NDUFA10: variants seen among roughly 807,000 people sequenced by gnomAD.
NDUFA10 encodes NADH:ubiquinone oxidoreductase subunit A10, also known as NADH dehydrogenase [ubiquinone] 1 alpha subcomplex subunit 10, mitochondrial.
A neutral mutation model predicts 47.8 loss-of-function variants in NDUFA10; 40 were observed. That is an observed-to-expected ratio of 0.84 (90% confidence interval 0.65 to 1.09). The LOEUF (loss-of-function observed/expected upper bound fraction) is 1.09, where lower values mean the gene tolerates loss of function less well. Among genes scored for constraint, NDUFA10 ranks in the 50% least tolerant of loss-of-function variants. The probability of loss-of-function intolerance (pLI) is 0.00; values close to 1 mark genes in which losing one functional copy is unlikely to be tolerated. For missense variants in NDUFA10, 413 were observed against 451.1 expected, an observed-to-expected ratio of 0.92 and a Z score of 0.76; for synonymous variants, 183 against 172.2, an observed-to-expected ratio of 1.06 and a Z score of -0.49.
At position 239,931,937 on chromosome 2, in the gene NDUFA10, G is replaced by A. The variant is rs568276839; in HGVS notation, c.295-36623C>T. On this transcript the variant is annotated intron_variant, in intron 4 of 5. Transcript: ENST00000419408. Reference sequence around the variant, plus strand: ...TGCAAGCTCCGCCTCCCGGGTTCACGCCATTCTCCTGCCTCAGCCTCCCAA... The same window carrying A: ...TGCAAGCTCCGCCTCCCGGGTTCACACCATTCTCCTGCCTCAGCCTCCCAA... 1.6e-4 allele frequency among the ~76,000 whole-genome samples: 23 copies of A among 141,006 alleles called. No individual in the cohort carries two copies. In the Admixed American group the frequency reaches 1.6e-3, roughly 10 times the overall value. 92.5% of individuals were successfully genotyped at this position (141,006 alleles called of 152,430 possible).
intron 4 of NDUFA10, among the ~76,000 whole-genome samples, chr2:239,941,286 G>A (rs1385753006): frequency 6.6e-6 from 1 of 152,164 alleles, no homozygotes; most frequent in African/African-American, 2.4e-5. Flanking sequence ...GGCCTCCCTG[G>A]ACAAGGGCAA....
At chr2:239,947,819 C>T (rs987531241) in intron 4 of NDUFA10, among the ~76,000 whole-genome samples, 8 of 152,244 alleles carry the variant, frequency 5.3e-5, no homozygotes, top group African/African-American at 1.9e-4. Context: ...ACGGCAGCGA[C>T]ATAACCTGTG....
chr2:239,992,445 A>G (rs974217117), intron 8 of NDUFA10, among the ~76,000 whole-genome samples: 1 of 152,238 alleles, frequency 6.6e-6, no homozygotes, highest in Admixed American at 6.5e-5. Context: ...TAACATTTCC[A>G]AACCCTATTT....
chr2:239,975,092 C>A (rs543463038), intron 9 of NDUFA10, among the ~76,000 whole-genome samples: 146 of 152,294 alleles, frequency 9.6e-4, no homozygotes, highest in African/African-American at 3.5e-3. Flanking sequence ...ATGTGACACT[C>A]CGCCACCAAA....
intron 8 of NDUFA10, among the ~76,000 whole-genome samples, chr2:239,998,353 C>T (rs1202614373): frequency 6.6e-6 from 1 of 152,174 alleles, no homozygotes; most frequent in Non-Finnish European, 1.5e-5. Context: ...TGTTAAAATC[C>T]CAGGCTCTGC....
intron 9 of NDUFA10, among the ~76,000 whole-genome samples, chr2:239,974,114 A>C (rs1695413443): frequency 6.6e-6 from 1 of 152,096 alleles, no homozygotes; most frequent in South Asian, 2.1e-4. Context: ...TTTTAGGAAG[A>C]GACAGGGTTT....
At chr2:240,002,330 C>CAAAAAAAA (rs61475593) in intron 8 of NDUFA10, among the ~76,000 whole-genome samples, 2 of 83,756 alleles carry the variant, frequency 2.4e-5, no homozygotes, top group African/African-American at 1.1e-4. Context: ...AACTCTGACT[C>CAAAAAAAA]AAAAAAAAAA....
chr2:239,914,508 TACAC>T (rs1323199419), intron 4 of NDUFA10, among the ~76,000 whole-genome samples: 2 of 105,102 alleles, frequency 1.9e-5, no homozygotes, highest in South Asian at 3.0e-4. Flanking sequence ...TACACAAACA[TACAC>T]ACAGAACACA....
chr2:240,018,391 ATACT>A, intron 4 of NDUFA10, 158 bp downstream of exon 4: 1 of 1,540,670 alleles, frequency 6.5e-7, no homozygotes, highest in Non-Finnish European at 8.8e-7. Context: ...AGGGTGGAAG[ATACT>A]TAGGAAGTTC....
rs1201795845 is a variant in NDUFA10, at chr2:239,987,343, C to G, written c.999+2731G>C. Among the ~76,000 whole-genome samples the G allele has an allele frequency of 6.6e-6, 1 of 151,928 alleles. No individual in the cohort carries two copies. Among genetic ancestry groups the G allele is most frequent in the Non-Finnish European group, 1.5e-5 (1 of 68,010 alleles). On this transcript the variant is annotated intron_variant, in intron 9 of 9. Coordinates refer to ENST00000252711, the MANE Select transcript of NDUFA10 (RefSeq NM_004544.4). This position sits in a 1 kb window ranked among gnomAD's most constrained non-coding sequence, Gnocchi z 4.8. ...CTGTGCATCGACAGGAGGACTCGCT[C>G]GAATGCGTGTCTGGGCCCCATCCCC...
At chr2:239,897,270 C>G (rs2106460606) in intron 4 of NDUFA10, among the ~76,000 whole-genome samples, 1 of 152,218 alleles carries the variant, frequency 6.6e-6, no homozygotes, top group South Asian at 2.1e-4. Context: ...GCTAATTATT[C>G]AAGTTTTTAT....
At chr2:239,944,297 G>A (rs1694408864) in intron 4 of NDUFA10, among the ~76,000 whole-genome samples, 1 of 152,236 alleles carries the variant, frequency 6.6e-6, no homozygotes, top group Non-Finnish European at 1.5e-5. Context: ...GTCCCCGGGG[G>A]CAGAGCGGCT....
intron 4 of NDUFA10, among the ~76,000 whole-genome samples, chr2:239,899,103 G>A (rs1370434809): frequency 3.6e-5 from 1 of 27,898 alleles, no homozygotes; most frequent in Non-Finnish European, 7.8e-5. Flanking sequence ...TGTGGTGGAG[G>A]GGTGTGACGG....
chr2:240,005,244 G>C lies in NDUFA10; in HGVS notation c.856C>G (p.Gln286Glu), dbSNP rs201842545. ...AGGTGGTATAAAGTGCGATTGTCCT[G>C]CTTGAGCCACGGCCCTTTATCGAAC... Reference protein sequence around the residue: ...LKFDKGPWLKQDNRTLYHLRL... With the variant: ...LKFDKGPWLKEDNRTLYHLRL... The change falls in exon 8 of 10, where the codon CAG becomes GAG. Residue 286 changes from glutamine (Q) to glutamate (E), a missense_variant. Coordinates refer to ENST00000252711, the MANE Select transcript of NDUFA10 (RefSeq NM_004544.4). 7.9e-5 allele frequency: 127 copies of C among 1,613,972 alleles called. No individual in the cohort carries two copies. Among genetic ancestry groups the C allele is most frequent in the Non-Finnish European group, 1.0e-4 (118 of 1,179,988 alleles).
chr2:239,969,769 C>T, intron 9 of NDUFA10: 1 of 471,280 alleles, frequency 2.1e-6, no homozygotes, highest in Non-Finnish European at 4.4e-6. Context: ...AGACCTAAAC[C>T]AACACAATGC....
intron 4 of NDUFA10, among the ~76,000 whole-genome samples, chr2:239,911,670 A>AGAGT (rs1553554441): frequency 0.017 from 2,486 of 146,640 alleles, 73 homozygotes; most frequent in African/African-American, 0.06. Flanking sequence ...AACATGAGAG[A>AGAGT]GTGTGTGTGC....
chr2:240,015,460 A>T (rs1697309928), intron 4 of NDUFA10, among the ~76,000 whole-genome samples: 1 of 152,272 alleles, frequency 6.6e-6, no homozygotes, highest in Non-Finnish European at 1.5e-5. Flanking sequence ...TTATTTTTCA[A>T]ATAACTCAGC....
Position 240,014,805 on chromosome 2 carries a change from G to C in NDUFA10, c.603C>G (p.Pro201=), listed in dbSNP as rs757191212. Residue 201 remains proline (P), a synonymous_variant, in exon 5 of 10, where the codon CCC becomes CCG. Coordinates refer to ENST00000252711, the MANE Select transcript of NDUFA10 (RefSeq NM_004544.4). ...GCACATCGATGTAAATCACCAGGTG[G>C]GGGGGCAGGTAATCGCAGATGGTGA... ...KSVTICDYLP[P]HLVIYIDVPV... is the part of the protein sequence containing the mutation. 10 of 1,614,138 alleles carry C rather than the reference G, an allele frequency of 6.2e-6. No homozygotes were observed. Among genetic ancestry groups the C allele is most frequent in the Admixed American group, 1.7e-5 (1 of 60,022 alleles).
chr2:239,973,450 G>C, intron 9 of NDUFA10: 1 of 463,946 alleles, frequency 2.2e-6, no homozygotes, highest in South Asian at 1.6e-5. Context: ...TGGTAAGGGA[G>C]AACTCAATAC....
Sources: allele counts gnomAD v4.1 joint callset (sites outside exome capture counted in the v4.1 genomes callset), GRCh38; gene constraint gnomAD v4.1.1; non-coding constraint Gnocchi (gnomAD v3.1); transcripts MANE v1.5; gene names NCBI Gene and HGNC (gene_info 2026-07-23, HGNC 2026-07-21).